KIF24: variants seen among roughly 807,000 people sequenced by gnomAD.
KIF24 encodes the protein kinesin family member 24.
In KIF24, 81 loss-of-function variants were observed where a neutral mutation model predicts 118.9. The ratio of observed to expected loss-of-function variants is 0.68; its 90% confidence interval spans 0.57 to 0.82. The LOEUF (loss-of-function observed/expected upper bound fraction) is 0.82. Among genes scored for constraint, KIF24 ranks in the 40% least tolerant of loss-of-function variants. The pLI, the probability that KIF24 is intolerant of heterozygous loss-of-function variation, is 0.00. For synonymous variants in KIF24, 599 were observed against 610.0 expected, an observed-to-expected ratio of 0.98 and a Z score of 0.27; for missense variants, 1,560 against 1,661.6, an observed-to-expected ratio of 0.94 and a Z score of 1.06.
At chr9:34,324,922 G>A (rs554478794) in intron 1 of KIF24, among the ~76,000 whole-genome samples, 4 of 152,082 alleles carry the variant, frequency 2.6e-5, no homozygotes, top group East Asian at 1.9e-4. Flanking sequence ...TGTCCCTTCC[G>A]TGTCTGCATC....
chr9:34,333,293 A>G (rs562245326), upstream of KIF24, among the ~76,000 whole-genome samples: 15 of 152,220 alleles, frequency 9.9e-5, no homozygotes, highest in South Asian at 2.9e-3. Flanking sequence ...AAATGATCCC[A>G]GCTAGACATC....
At chr9:34,263,633 G>C (rs1835176526) in intron 8 of KIF24, among the ~76,000 whole-genome samples, 1 of 152,090 alleles carries the variant, frequency 6.6e-6, no homozygotes, top group African/African-American at 2.4e-5. Flanking sequence ...CATAGATTCA[G>C]ATATAAACTA....
chr9:34,323,997 A>G (rs1352509052), intron 1 of KIF24, among the ~76,000 whole-genome samples: 4 of 152,196 alleles, frequency 2.6e-5, no homozygotes, highest in African/African-American at 9.6e-5. Context: ...CTACACCACT[A>G]GTTTTAACTA....
At chr9:34,259,534 C>A in intron 10 of KIF24, 62 bp downstream of exon 10, 1 of 1,217,760 alleles carries the variant, frequency 8.2e-7, no homozygotes, top group South Asian at 1.2e-5. Flanking sequence ...CTCACACACG[C>A]GTGCTGCACA....
chr9:34,268,157 A>G (rs1304793097), intron 8 of KIF24, among the ~76,000 whole-genome samples: 1 of 152,174 alleles, frequency 6.6e-6, no homozygotes, highest in Non-Finnish European at 1.5e-5. Context: ...TCTTTGAGAT[A>G]CATTTAAAAA....
At chr9:34,258,020 A>G in intron 10 of KIF24, 39 bp from the exon 11 acceptor site, 1 of 1,404,218 alleles carries the variant, frequency 7.1e-7, no homozygotes, top group Non-Finnish European at 9.7e-7. Context: ...GTATTTTCAC[A>G]TGTTCTGCAA....
rs749944651 is a variant in KIF24 at position 34,306,349 on chromosome 9, C to G, written c.716G>C (p.Arg239Pro). 1.9e-6 allele frequency: 3 copies of G among 1,610,314 alleles called. No individual in the cohort carries two copies. The highest frequency in any genetic ancestry group is 2.2e-5 in the South Asian group (2 of 90,912). ...RKRPLGMREV[R>P]RGEINIITVE... ...AGTAATAATATTAATTTCTCCACGA[C>G]GTACCTCCCTCATGCCCAGGGGGCG... The change falls in exon 3 of 13, where the codon CGT (arginine) becomes CCT (proline). Residue 239 changes from arginine (R) to proline (P), a missense_variant. Transcript: ENST00000402558.
At chr9:34,270,471 G>A (rs939633472) in intron 7 of KIF24, among the ~76,000 whole-genome samples, 9 of 149,250 alleles carry the variant, frequency 6.0e-5, no homozygotes, top group Non-Finnish European at 1.0e-4. Flanking sequence ...AGCCGAGATT[G>A]TGCTACTGCA....
chr9:34,294,199 C>T lies in KIF24; in HGVS notation c.911+2818G>A, dbSNP rs1836369817. 2.6e-5 allele frequency among the ~76,000 whole-genome samples: 4 copies of T among 152,278 alleles called. 1 individual carries two copies. The South Asian group carries it at 8.3e-4, about 32-fold the overall frequency. On this transcript the variant is annotated intron_variant, in intron 4 of 12. Transcript: ENST00000402558. ...TGAACTCCTGGCTCAAATGATTCTC[C>T]CATCTCGGCCTCCCACAGTGTGAAA...
chr9:34,321,926 T>G (rs900779277), intron 1 of KIF24, among the ~76,000 whole-genome samples: 1 of 152,044 alleles, frequency 6.6e-6, no homozygotes, highest in African/African-American at 2.4e-5. Context: ...TTTTGTAAGA[T>G]TTTTTTAAAA....
In KIF24 at chr9:34,256,601, G is replaced by A; in HGVS notation, c.3006C>T (p.Asp1002=). The change falls in exon 11 of 13, where the codon GAC becomes GAT. Residue 1002 remains aspartate, a synonymous_variant. Transcript: ENST00000402558. ...CTTCTCTCAGAGGTGTGGTGACTGTGTCTCTTTGGTCTGGGGATCCAGGAA... is the reference window on the plus strand; with the variant it reads ...CTTCTCTCAGAGGTGTGGTGACTGTATCTCTTTGGTCTGGGGATCCAGGAA... ...VAVPGSPDQR[D]TVTTPLREVS... is the part of the protein sequence containing the mutation. 6.2e-7 allele frequency: 1 copy of A among 1,613,980 alleles called. No individual in the cohort carries two copies. Among genetic ancestry groups the A allele is most frequent in the Non-Finnish European group, 8.5e-7 (1 of 1,179,888 alleles).
rs72731294 is a variant in KIF24, at chr9:34,263,685, G to A, written c.1444-513C>T. On this transcript the variant is annotated intron_variant, in intron 8 of 12. Transcript: ENST00000402558. ...GAAATTCTAGAGCCAGAGCTAGAAG[G>A]AAACTGAGAAATCACCTAGGCCTAC... Among the ~76,000 whole-genome samples the A allele has an allele frequency of 2.3e-4, 35 of 152,054 alleles. 1 individual carries two copies. Among genetic ancestry groups the A allele is most frequent in the Admixed American group, 1.4e-3 (21 of 15,266 alleles).
intron 7 of KIF24, among the ~76,000 whole-genome samples, chr9:34,269,655 G>A (rs551236560): frequency 2.2e-4 from 33 of 152,042 alleles, no homozygotes; most frequent in African/African-American, 7.2e-4. Flanking sequence ...TCCTGACCTC[G>A]TGATCCGCCC....
At chr9:34,286,145 C>T (rs974189267) in intron 6 of KIF24, among the ~76,000 whole-genome samples, 3 of 151,426 alleles carry the variant, frequency 2.0e-5, no homozygotes, top group Non-Finnish European at 2.9e-5. Flanking sequence ...ACCAGCCTGG[C>T]CAACATGGTG....
intron 5 of KIF24, among the ~76,000 whole-genome samples, chr9:34,289,143 A>G (rs1292460117): frequency 1.3e-5 from 2 of 152,166 alleles, no homozygotes; most frequent in Non-Finnish European, 2.9e-5. Flanking sequence ...CTCAAGTGGC[A>G]TATCTGAAGG....
At chr9:34,259,510 C>G (rs111518001) in intron 10 of KIF24, 86 bp downstream of exon 10, 25 of 951,452 alleles carry the variant, frequency 2.6e-5, no homozygotes, top group Non-Finnish European at 3.4e-5. Flanking sequence ...CACACACACA[C>G]GCGTGCACAC....
chr9:34,260,139 G>A (rs1460614033), intron 9 of KIF24, among the ~76,000 whole-genome samples: 3 of 152,136 alleles, frequency 2.0e-5, no homozygotes, highest in East Asian at 3.8e-4. Context: ...CAGGAGGATC[G>A]CTTGAGCCCA....
At chr9:34,271,492 C>T (rs2131706575) in intron 7 of KIF24, among the ~76,000 whole-genome samples, 1 of 152,270 alleles carries the variant, frequency 6.6e-6, no homozygotes, top group African/African-American at 2.4e-5. Flanking sequence ...TTAATCTTCT[C>T]CCCCTACCTT....
chr9:34,291,793 A>C (rs1409888686), intron 4 of KIF24, among the ~76,000 whole-genome samples: 1 of 146,766 alleles, frequency 6.8e-6, no homozygotes, highest in South Asian at 2.1e-4. Flanking sequence ...GCTTGCAGCA[A>C]AAAAAAAAAA....
Sources: gnomAD v4.1 joint callset for allele counts (sites outside exome capture counted in the v4.1 genomes callset) on GRCh38, gnomAD v4.1.1 for gene constraint, MANE v1.5 for transcripts, NCBI Gene and HGNC (gene_info 2026-07-23, HGNC 2026-07-21) for gene names.